Variants in TBC1D22A observed in about 807,000 individuals in gnomAD.
TBC1D22A encodes the protein putative GTPase activator.
In TBC1D22A, 38 loss-of-function variants were observed where a neutral mutation model predicts 60.2. That is an observed-to-expected ratio of 0.63 (90% CI 0.49 to 0.83). The LOEUF (loss-of-function observed/expected upper bound fraction) is 0.83. TBC1D22A is among the 40% of genes least tolerant of loss of function. The probability of loss-of-function intolerance (pLI) is 0.00; values close to 1 mark genes in which losing one functional copy is unlikely to be tolerated. For synonymous variants in TBC1D22A, 302 were observed against 281.7 expected (o/e 1.07, Z -0.72); for missense variants, 628 against 701.0 (o/e 0.90, Z 1.18).
chr22:46,894,995 A>G, intron 7 of TBC1D22A, 149 bp downstream of exon 7: 2 of 739,386 alleles, frequency 2.7e-6, no homozygotes, highest in South Asian at 1.5e-5. Flanking sequence ...TTGTGGACAC[A>G]GTTGCTGACA....
chr22:47,152,070 A>G (rs5767537), intron 12 of TBC1D22A, among the ~76,000 whole-genome samples: 80,757 of 151,892 alleles, frequency 0.53, 22,681 homozygotes, highest in East Asian at 0.77. Flanking sequence ...GACCTCACCC[A>G]CTCTCCTGCG....
In TBC1D22A at chr22:47,145,994, G is replaced by A. The variant is rs184849117; in HGVS notation, c.1426-27504G>A. 8.6e-5 allele frequency among the ~76,000 whole-genome samples: 12 copies of A among 139,678 alleles called. No homozygotes were observed. The East Asian group carries it at 1.1e-3, about 12-fold the overall frequency. The allele number at this position is 139,678 out of a possible 152,430, so 91.6% of individuals were successfully genotyped here. ...ATGCACTGGATTGCTGGCCTGTTCC[G>A]TGCTGTCCCTTAAAGCAGGGGTTGA... On this transcript the variant is annotated intron_variant, in intron 12 of 12. Transcript: ENST00000337137.
chr22:47,144,568 C>G (rs921574973), intron 12 of TBC1D22A, among the ~76,000 whole-genome samples: 16 of 152,254 alleles, frequency 1.1e-4, no homozygotes, highest in African/African-American at 3.6e-4. Flanking sequence ...CAAGCACATA[C>G]GCGCATGCAC....
At chr22:46,772,863 C>G (rs1169746606) in intron 1 of TBC1D22A, among the ~76,000 whole-genome samples, 2 of 152,152 alleles carry the variant, frequency 1.3e-5, no homozygotes, top group Non-Finnish European at 1.5e-5. Context: ...CTCCTGACCT[C>G]CTGATCCTCC....
chr22:47,103,815 C>G (rs925692559), intron 11 of TBC1D22A, among the ~76,000 whole-genome samples: 6 of 152,000 alleles, frequency 3.9e-5, no homozygotes, highest in African/African-American at 1.2e-4. Context: ...TCTGGAGAGT[C>G]AGGCCCTACA....
chr22:46,974,488 G>A lies in TBC1D22A; in HGVS notation c.1125+89G>A, dbSNP rs1295609873. Reference sequence around the variant, plus strand: ...GGCCTTAGGCTGCTCCTGAGTCTCAGTGTGGCCATGCAGTCCCTCCTGAAG... The same window carrying A: ...GGCCTTAGGCTGCTCCTGAGTCTCAATGTGGCCATGCAGTCCCTCCTGAAG... On this transcript the variant is annotated intron_variant, in intron 9 of 12. Coordinates refer to ENST00000337137, the MANE Select transcript of TBC1D22A (RefSeq NM_014346.5). 3 of 1,082,804 alleles carry A rather than the reference G, an allele frequency of 2.8e-6. No individual in the cohort carries two copies. The East Asian group carries it at 7.7e-5, about 28-fold the overall frequency. 67.1% of individuals were successfully genotyped at this position (1,082,804 alleles called of 1,614,324 possible). A position where few individuals can be genotyped will look rare whatever the true frequency, so the allele number is the denominator to read the frequency against.
intron 4 of TBC1D22A, among the ~76,000 whole-genome samples, chr22:46,857,322 G>T (rs1372572580): frequency 6.6e-6 from 1 of 152,188 alleles, no homozygotes; most frequent in Non-Finnish European, 1.5e-5. Flanking sequence ...CCCCTGGGTG[G>T]GGCTGGTCAG....
At chr22:47,076,991 C>T (rs958973055) in intron 11 of TBC1D22A, among the ~76,000 whole-genome samples, 1 of 152,150 alleles carries the variant, frequency 6.6e-6, no homozygotes. Context: ...GGCATCATGC[C>T]TTCTTCACTG....
intron 10 of TBC1D22A, among the ~76,000 whole-genome samples, chr22:47,019,615 A>G (rs2062013453): frequency 6.6e-6 from 1 of 151,830 alleles, no homozygotes; most frequent in South Asian, 2.1e-4. Context: ...GTGGGCAGGC[A>G]GGGGTAGTGA....
intron 4 of TBC1D22A, among the ~76,000 whole-genome samples, chr22:46,835,144 G>A (rs554788457): frequency 6.6e-6 from 1 of 152,290 alleles, no homozygotes. Flanking sequence ...TTTCTCTTCT[G>A]AAGCCAGTCA....
chr22:46,896,403 G>C (rs945648023), intron 7 of TBC1D22A, among the ~76,000 whole-genome samples: 5 of 152,078 alleles, frequency 3.3e-5, no homozygotes, highest in Admixed American at 1.3e-4. Context: ...GAGCACTGAT[G>C]CATGTTATCT....
At chr22:46,917,482 A>G (rs1380705245) in intron 8 of TBC1D22A, among the ~76,000 whole-genome samples, 2 of 152,088 alleles carry the variant, frequency 1.3e-5, no homozygotes, top group Admixed American at 1.3e-4. Context: ...AGAAGGAAAA[A>G]TCCAGTCACC....
At chr22:46,831,512 A>G (rs1032663100) in intron 4 of TBC1D22A, among the ~76,000 whole-genome samples, 2 of 152,194 alleles carry the variant, frequency 1.3e-5, no homozygotes, top group African/African-American at 4.8e-5. Context: ...TATCTAGTAT[A>G]TAATGAAATT....
In TBC1D22A at chr22:47,090,916, G is replaced by A. The variant is rs959658376; in HGVS notation, c.1330-20592G>A. ...AGGCAGGAGAAGTCGTCTTTGGGGGGGTGTGGCCTCACGGAGGGGGTGGCT... is the reference window on the plus strand; with the variant it reads ...AGGCAGGAGAAGTCGTCTTTGGGGGAGTGTGGCCTCACGGAGGGGGTGGCT... On this transcript the variant is annotated intron_variant, in intron 11 of 12. Coordinates refer to ENST00000337137, the MANE Select transcript of TBC1D22A (RefSeq NM_014346.5). Among the ~76,000 whole-genome samples the A allele has an allele frequency of 2.3e-5, 3 of 132,698 alleles. No individual in the cohort carries two copies. The South Asian group carries it at 8.1e-4, about 36-fold the overall frequency. The allele number at this position is 132,698 out of a possible 152,430, so 87.1% of individuals were successfully genotyped here. A position where few individuals can be genotyped will look rare whatever the true frequency, so the allele number is the denominator to read the frequency against.
rs377508438 is a variant in TBC1D22A at position 47,121,976 on chromosome 22, T to C, written c.1425+10373T>C. On this transcript the variant is annotated intron_variant, in intron 12 of 12. Transcript: ENST00000337137. The stretch of plus-strand genomic sequence containing the variant: ...CATCCAGCCTTGAGGTGTCCTGCCA[T>C]GTCCATCCCTCAGATGTCCCCTCAG... Among the ~76,000 whole-genome samples the C allele has an allele frequency of 3.7e-3, 559 of 152,312 alleles. 8 individuals carry two copies. Among genetic ancestry groups the C allele is most frequent in the South Asian group, 0.021 (100 of 4,822 alleles).
intron 12 of TBC1D22A, among the ~76,000 whole-genome samples, chr22:47,147,545 C>A (rs1343727123): frequency 6.6e-6 from 1 of 152,236 alleles, no homozygotes; most frequent in Non-Finnish European, 1.5e-5. Context: ...AGGGGTCACA[C>A]ATAGTGCCCT....
intron 4 of TBC1D22A, among the ~76,000 whole-genome samples, chr22:46,861,526 T>C (rs1300137857): frequency 6.6e-6 from 1 of 152,182 alleles, no homozygotes; most frequent in African/African-American, 2.4e-5. Context: ...TGGGAGTAGA[T>C]GGCCTGGCTT....
chr22:47,045,218 C>T (rs941389111), intron 11 of TBC1D22A, among the ~76,000 whole-genome samples: 3 of 152,242 alleles, frequency 2.0e-5, no homozygotes, highest in East Asian at 1.9e-4. Context: ...ACTGTGGCTG[C>T]GTGGCACCTG....
At chr22:47,075,011 CA>C (rs1032496324) in intron 11 of TBC1D22A, among the ~76,000 whole-genome samples, 6 of 152,138 alleles carry the variant, frequency 3.9e-5, no homozygotes, top group Non-Finnish European at 8.8e-5. Context: ...ATCACGAGGT[CA>C]GGAGATTGAG....
Sources: allele counts gnomAD v4.1 joint callset (sites outside exome capture counted in the v4.1 genomes callset), GRCh38; gene constraint gnomAD v4.1.1; transcripts MANE v1.5; gene names NCBI Gene and HGNC (gene_info 2026-07-23, HGNC 2026-07-21).